CCDC81: variants seen among roughly 807,000 people sequenced by gnomAD.
CCDC81 encodes the protein coiled-coil domain containing 81, also known as coiled-coil domain-containing protein 81.
CCDC81 carries 79 observed loss-of-function variants against 83.7 expected under a neutral mutation model. The observed-to-expected ratio is 0.94, with a 90% CI of 0.79 to 1.14. The LOEUF (loss-of-function observed/expected upper bound fraction) is 1.14, where lower values mean the gene tolerates loss of function less well. Ranked by LOEUF, CCDC81 falls within the 50% of genes most tolerant of loss-of-function variation. The pLI is 0.00. For synonymous variants in CCDC81, 252 were observed against 278.1 expected, an observed-to-expected ratio of 0.91 and a Z score of 0.93; for missense variants, 791 against 778.1, an observed-to-expected ratio of 1.02 and a Z score of -0.20.
chr11:86,419,374 A>G (rs1407139414), intron 13 of CCDC81: 1 of 152,274 alleles, frequency 6.6e-6, no homozygotes, highest in African/African-American at 2.4e-5. Flanking sequence ...CACTTCTTCG[A>G]TGACATGGCC....
rs543806179 is a variant in CCDC81 at position 86,378,259 on chromosome 11, C to T, written c.79+3017C>T. On this transcript the variant is annotated intron_variant, in intron 1 of 14. Coordinates refer to ENST00000445632, the MANE Select transcript of CCDC81 (RefSeq NM_001156474.2). The stretch of plus-strand genomic sequence containing the variant: ...TATCTAGATGCATATTATTTAGTCC[C>T]CATGTATTTTGGGATTTTCCACTTA... Among the ~76,000 whole-genome samples, 6 of 152,030 alleles carry T rather than the reference C, an allele frequency of 3.9e-5. No homozygotes were observed. In the East Asian group the frequency reaches 1.2e-3, roughly 29 times the overall value.
intron 7 of CCDC81, among the ~76,000 whole-genome samples, chr11:86,402,704 A>C (rs1948509589): frequency 6.6e-6 from 1 of 152,236 alleles, no homozygotes; most frequent in African/African-American, 2.4e-5. Context: ...TGGTTGTAGC[A>C]AATTATCCTC....
In CCDC81 at chr11:86,420,005, G is replaced by C; in HGVS notation, c.1769G>C (p.Ser590Thr). 2 of 1,613,970 alleles carry C rather than the reference G, an allele frequency of 1.2e-6. No individual in the cohort carries two copies. Among genetic ancestry groups the C allele is most frequent in the Non-Finnish European group, 1.7e-6 (2 of 1,179,958 alleles). ...NQCLQEDWER[S>T]AAMKKQRDLE... ...TGCTTACAGGAGGACTGGGAAAGGAGTGCTGCGATGAAGAAGCAGCGAGAC... is the reference window on the plus strand; with the variant it reads ...TGCTTACAGGAGGACTGGGAAAGGACTGCTGCGATGAAGAAGCAGCGAGAC... The change falls in exon 14 of 15, where the codon AGT becomes ACT. Residue 590 changes from serine to threonine, a missense_variant. Physicochemically the swap from Ser to Thr is moderately conservative, Grantham distance 58. Coordinates refer to ENST00000445632, the MANE Select transcript of CCDC81 (RefSeq NM_001156474.2).
chr11:86,393,668 G>A (rs1413697752), intron 4 of CCDC81, among the ~76,000 whole-genome samples: 2 of 152,148 alleles, frequency 1.3e-5, no homozygotes, highest in African/African-American at 4.8e-5. Flanking sequence ...TTGCCATGTT[G>A]TAGAAGAAAT....
In CCDC81 at chr11:86,405,204, T is replaced by C. The variant is rs939683835; in HGVS notation, c.882-2410T>C. On this transcript the variant is annotated intron_variant, in intron 7 of 14. Coordinates refer to ENST00000445632, the MANE Select transcript of CCDC81 (RefSeq NM_001156474.2). ...CTTAAGCAATATTAAATTCTACATG[T>C]CTAGGATTTTTTTTGGTAGATAGTT... Among the ~76,000 whole-genome samples the C allele has an allele frequency of 3.3e-5, 5 of 152,312 alleles. No homozygotes were observed. In the South Asian group the frequency reaches 8.3e-4, roughly 25 times the overall value.
intron 3 of CCDC81, among the ~76,000 whole-genome samples, chr11:86,388,192 TCCTCCTTC>T (rs778997381): frequency 6.6e-4 from 84 of 127,256 alleles, no homozygotes; most frequent in African/African-American, 2.6e-3. Context: ...CTCCCTCCTT[TCCTCCTTC>T]CCTCCTTCCC....
intron 1 of CCDC81, among the ~76,000 whole-genome samples, chr11:86,380,663 C>T (rs1948165017): frequency 6.6e-6 from 1 of 151,964 alleles, no homozygotes; most frequent in Non-Finnish European, 1.5e-5. Context: ...TTTGAAGTTT[C>T]CTTGTCACAT....
intron 13 of CCDC81, among the ~76,000 whole-genome samples, chr11:86,418,721 G>A (rs1331960519): frequency 1.3e-5 from 2 of 152,188 alleles, no homozygotes; most frequent in Non-Finnish European, 2.9e-5. Context: ...GCTAGAGGAG[G>A]CAGAAATGGG....
intron 1 of CCDC81, among the ~76,000 whole-genome samples, chr11:86,385,746 A>G (rs1319680646): frequency 6.6e-6 from 1 of 152,218 alleles, no homozygotes; most frequent in Non-Finnish European, 1.5e-5. Flanking sequence ...ATACTTGATT[A>G]ACTCTCTTTA....
At position 86,392,689 on chromosome 11, in the gene CCDC81, A is replaced by G. The variant is rs2138510401; in HGVS notation, c.447A>G (p.Lys149=). ...AACAAAATGTGGAGTTTACATTCAA[A>G]GGAATTGGGGTCCTCATGATCAGAG... The part of the protein sequence containing the change: ...SMKQNVEFTF[K]GIGVLMIRDS... Residue 149 remains lysine (K), a synonymous_variant, in exon 4 of 15, where the codon AAA becomes AAG. Transcript: ENST00000445632. The G allele has an allele frequency of 5.8e-6, 9 of 1,551,702 alleles. No homozygotes were observed. In the East Asian group the frequency reaches 2.2e-4, roughly 38 times the overall value.
intron 11 of CCDC81, among the ~76,000 whole-genome samples, chr11:86,413,305 G>A (rs1048081736): frequency 2.0e-5 from 3 of 152,022 alleles, no homozygotes; most frequent in Non-Finnish European, 4.4e-5. Context: ...GGTCTTGGGG[G>A]ATTTTTATAG....
chr11:86,403,789 T>C (rs1249039737), intron 7 of CCDC81, among the ~76,000 whole-genome samples: 1 of 152,180 alleles, frequency 6.6e-6, no homozygotes, highest in African/African-American at 2.4e-5. Flanking sequence ...CTAAGAAGGA[T>C]AGGACTTTCA....
intron 1 of CCDC81, among the ~76,000 whole-genome samples, chr11:86,377,167 C>T (rs1948108933): frequency 6.8e-6 from 1 of 147,152 alleles, no homozygotes; most frequent in Non-Finnish European, 1.5e-5. Flanking sequence ...CTAGATGTAC[C>T]ACAGGTTTTT....
intron 1 of CCDC81, among the ~76,000 whole-genome samples, chr11:86,378,495 T>C (rs1425399520): frequency 6.6e-6 from 1 of 152,206 alleles, no homozygotes; most frequent in Non-Finnish European, 1.5e-5. Context: ...ATTTGATTGA[T>C]GGTGCTGTTG....
intron 2 of CCDC81, 123 bp from the exon 3 acceptor site, chr11:86,387,393 G>C: frequency 1.2e-6 from 1 of 804,826 alleles, no homozygotes; most frequent in Non-Finnish European, 2.0e-6. Context: ...AAGAGTCCTA[G>C]AGATCACTGA....
chr11:86,381,733 A>G (rs572738101), intron 1 of CCDC81, among the ~76,000 whole-genome samples: 14 of 152,248 alleles, frequency 9.2e-5, no homozygotes, highest in Admixed American at 7.8e-4. Flanking sequence ...TCAACTTTTT[A>G]GTTGTTAGGA....
intron 10 of CCDC81, among the ~76,000 whole-genome samples, chr11:86,410,266 AATTT>A (rs1948623951): frequency 6.6e-6 from 1 of 152,140 alleles, no homozygotes; most frequent in South Asian, 2.1e-4. Context: ...AATAAATTAT[AATTT>A]ATTTATTCAT....
At position 86,392,725 on chromosome 11, in the gene CCDC81, G is replaced by A. The variant is rs17210546; in HGVS notation, c.483G>A (p.Val161=). 9.4e-3 allele frequency: 14,517 copies of A among 1,551,628 alleles called. 730 individuals are homozygous for A. In the East Asian group the frequency reaches 0.11, roughly 11 times the overall value. ...TCCTCATGATCAGAGACAGCAAAGTGAAGATGAGGTTTTATAAAGACTTCC... is the reference window on the plus strand; with the variant it reads ...TCCTCATGATCAGAGACAGCAAAGTAAAGATGAGGTTTTATAAAGACTTCC... ...IGVLMIRDSK[V]KMRFYKDFLC... The change falls in exon 4 of 15, where the codon GTG becomes GTA. Residue 161 remains valine, a synonymous_variant. Transcript: ENST00000445632.
At chr11:86,421,366 G>A (rs1301737895) in intron 14 of CCDC81, among the ~76,000 whole-genome samples, 1 of 151,922 alleles carries the variant, frequency 6.6e-6, no homozygotes, top group Admixed American at 6.6e-5. Flanking sequence ...CTGGAGTGCA[G>A]TGGCGCGATC....
Sources: gnomAD v4.1 joint callset for allele counts (sites outside exome capture counted in the v4.1 genomes callset) on GRCh38, gnomAD v4.1.1 for gene constraint, MANE v1.5 for transcripts, NCBI Gene and HGNC (gene_info 2026-07-23, HGNC 2026-07-21) for gene names.